Variants in PODXL observed in about 807,000 individuals in gnomAD.
PODXL encodes the protein podocalyxin like.
A neutral mutation model predicts 48.9 loss-of-function variants in PODXL; 20 were observed. The ratio of observed to expected loss-of-function variants is 0.41; its 90% CI spans 0.29 to 0.59. The LOEUF (loss-of-function observed/expected upper bound fraction) is 0.59. Ranked by LOEUF, PODXL falls within the 20% of genes least tolerant of loss-of-function variation. The pLI is 0.31. For missense variants in PODXL, 606 were observed against 675.1 expected (o/e 0.90, Z 1.13); for synonymous variants, 295 against 287.4 (o/e 1.03, Z -0.27).
intron 1 of PODXL, among the ~76,000 whole-genome samples, chr7:131,539,477 C>T (rs764900170): frequency 3.3e-5 from 5 of 151,976 alleles, no homozygotes; most frequent in Non-Finnish European, 4.4e-5. Context: ...ATTACAGGCA[C>T]GCACCACCAC....
intron 1 of PODXL, among the ~76,000 whole-genome samples, chr7:131,546,050 T>C (rs1378445748): frequency 6.6e-6 from 1 of 152,190 alleles, no homozygotes; most frequent in African/African-American, 2.4e-5. Flanking sequence ...AATATTCCTT[T>C]CTCTAGTTGT....
chr7:131,502,387 GA>G lies in PODXL; in HGVS notation c.*1923del, dbSNP rs1286240883. ...AGCCTCGCATCCCTCTAACTCCTGG[GA>G]AACTCGCTGGGGCCCTATGTGAACC... On this transcript the variant is annotated 3_prime_UTR_variant, in exon 9 of 9. Transcript: ENST00000378555. 6 of 152,242 alleles carry G rather than the reference GA, an allele frequency of 3.9e-5. No homozygotes were observed. Among genetic ancestry groups the G allele is most frequent in the African/African-American group, 1.4e-4 (6 of 41,412 alleles). 9.4% of individuals were successfully genotyped at this position (152,242 alleles called of 1,614,324 possible).
At chr7:131,556,111 G>T in intron 1 of PODXL, 149 bp downstream of exon 1, 1 of 1,124,000 alleles carries the variant, frequency 8.9e-7, no homozygotes, top group Non-Finnish European at 1.2e-6. Flanking sequence ...CGTGGATGGT[G>T]CAAGGTCAGG....
intron 1 of PODXL, among the ~76,000 whole-genome samples, chr7:131,525,426 CAA>C (rs57927217): frequency 1.0e-4 from 6 of 59,246 alleles, no homozygotes; most frequent in African/African-American, 4.5e-4. Context: ...TCATCTCTAC[CAA>C]AAAAAAAAAA....
rs1276625561 is a variant in PODXL at position 131,503,477 on chromosome 7, T to G, written c.*834A>C. The G allele has an allele frequency of 2.0e-5, 3 of 152,246 alleles. No homozygotes were observed. Among genetic ancestry groups the G allele is most frequent in the Non-Finnish European group, 4.4e-5 (3 of 68,118 alleles). 9.4% of individuals were successfully genotyped at this position (152,246 alleles called of 1,614,324 possible). ...CCTGCTGACCCCTCATCAGCTGCCC[T>G]GAGATACCAGCCTGGACTCGAGTGT... On this transcript the variant is annotated 3_prime_UTR_variant, in exon 9 of 9. Coordinates refer to ENST00000378555, the MANE Select transcript of PODXL (RefSeq NM_001018111.3).
At chr7:131,522,366 C>T (rs535108841) in intron 1 of PODXL, among the ~76,000 whole-genome samples, 5 of 152,168 alleles carry the variant, frequency 3.3e-5, no homozygotes, top group South Asian at 2.1e-4. Context: ...ACCGCTTGAA[C>T]CCGGGAGGTG....
At chr7:131,529,904 C>A (rs1001619262) in intron 1 of PODXL, among the ~76,000 whole-genome samples, 1 of 146,810 alleles carries the variant, frequency 6.8e-6, no homozygotes, top group Non-Finnish European at 1.5e-5. Context: ...GCCATCCTAG[C>A]CAGTCATTTC....
intron 1 of PODXL, among the ~76,000 whole-genome samples, chr7:131,535,111 C>T (rs1330458411): frequency 6.6e-6 from 1 of 152,144 alleles, no homozygotes; most frequent in Non-Finnish European, 1.5e-5. Flanking sequence ...GCCAGGGTAT[C>T]TCCTTAATTC....
chr7:131,504,948 G>A (rs1797773658), intron 8 of PODXL, among the ~76,000 whole-genome samples: 1 of 152,126 alleles, frequency 6.6e-6, no homozygotes. Flanking sequence ...TCATCCCTGC[G>A]GCAGACAGCA....
intron 1 of PODXL, among the ~76,000 whole-genome samples, chr7:131,516,407 C>T (rs1006797930): frequency 9.9e-5 from 15 of 152,164 alleles, no homozygotes; most frequent in East Asian, 1.9e-4. Flanking sequence ...GGCGTGTTGG[C>T]GCATGCCTGT....
intron 7 of PODXL, 68 bp downstream of exon 7, chr7:131,506,192 G>A: frequency 6.3e-7 from 1 of 1,575,926 alleles, no homozygotes; most frequent in Non-Finnish European, 8.7e-7. Context: ...ACAGAGAGAG[G>A]GGAGTAACCA....
chr7:131,523,643 C>A (rs1399496400), intron 1 of PODXL, among the ~76,000 whole-genome samples: 1 of 116,812 alleles, frequency 8.6e-6, no homozygotes, highest in African/African-American at 3.1e-5. Flanking sequence ...GGCGCCACTG[C>A]ACTCCAGCCT....
chr7:131,528,345 AAGG>A (rs1439470149), intron 1 of PODXL, among the ~76,000 whole-genome samples: 3 of 152,206 alleles, frequency 2.0e-5, no homozygotes, highest in African/African-American at 7.2e-5. Context: ...AGATAGAAAA[AAGG>A]AGAAGGGAGT....
At chr7:131,549,546 C>T (rs928416233) in intron 1 of PODXL, among the ~76,000 whole-genome samples, 1 of 152,192 alleles carries the variant, frequency 6.6e-6, no homozygotes, top group Non-Finnish European at 1.5e-5. Flanking sequence ...ACAGAGTGCC[C>T]TCCTCACCGG....
intron 1 of PODXL, among the ~76,000 whole-genome samples, chr7:131,555,662 A>G (rs1038071307): frequency 5.3e-5 from 8 of 152,274 alleles, no homozygotes; most frequent in Non-Finnish European, 1.2e-4. Context: ...TGACTCTGGG[A>G]CTGTGGAAGG....
At chr7:131,544,647 GCCCTGTACTACGCACGCAC>G (rs1798539268) in intron 1 of PODXL, among the ~76,000 whole-genome samples, 1 of 16,638 alleles carries the variant, frequency 6.0e-5, no homozygotes, top group South Asian at 2.7e-3. Context: ...CCGCACGCAC[GCCCTGTACTACGCACGCAC>G]GCCCTGTACT....
At position 131,555,049 on chromosome 7, in the gene PODXL, C is replaced by A. The variant is rs144578532; in HGVS notation, c.100+1211G>T. On this transcript the variant is annotated intron_variant, in intron 1 of 8. Transcript: ENST00000378555. Reference sequence around the variant, plus strand: ...CCCGCCGGCCACAGGAGGATGCCCACGCCTGCCTGCTCCCTGAGTGCCAGC... The same window carrying A: ...CCCGCCGGCCACAGGAGGATGCCCAAGCCTGCCTGCTCCCTGAGTGCCAGC... 4.5e-3 allele frequency among the ~76,000 whole-genome samples: 680 copies of A among 152,342 alleles called. 2 individuals are homozygous for A. Among genetic ancestry groups the A allele is most frequent in the African/African-American group, 0.016 (647 of 41,574 alleles).
intron 1 of PODXL, chr7:131,520,407 G>C (rs1410285905): frequency 5.7e-6 from 2 of 353,170 alleles, no homozygotes; most frequent in African/African-American, 4.3e-5. Context: ...CCAGGAAACA[G>C]AATGAGGATG....
intron 1 of PODXL, among the ~76,000 whole-genome samples, chr7:131,521,549 G>A (rs1282031579): frequency 6.6e-6 from 1 of 152,110 alleles, no homozygotes; most frequent in Non-Finnish European, 1.5e-5. Context: ...TGGTCAGGTT[G>A]GTCTCGAACT....
Sources: gnomAD v4.1 joint callset for allele counts (sites outside exome capture counted in the v4.1 genomes callset) on GRCh38, gnomAD v4.1.1 for gene constraint, MANE v1.5 for transcripts, NCBI Gene and HGNC (gene_info 2026-07-23, HGNC 2026-07-21) for gene names.